ADCY4: variants seen among roughly 807,000 people sequenced by gnomAD.
ADCY4 encodes the protein adenylate cyclase type 4.
ADCY4 carries 111 observed loss-of-function variants against 125.5 expected under a neutral mutation model. The ratio of observed to expected loss-of-function variants is 0.88; its 90% confidence interval spans 0.76 to 1.04. ADCY4 has a LOEUF of 1.04. ADCY4 is among the 50% of genes least tolerant of loss of function. ADCY4 has a pLI of 0.00. For missense variants in ADCY4, 1,256 were observed against 1,382.9 expected (o/e 0.91, Z 1.46); for synonymous variants, 576 against 586.9 (o/e 0.98, Z 0.27).
chr14:24,329,424 T>C lies in ADCY4; in HGVS notation c.1327A>G (p.Thr443Ala), dbSNP rs747438767. The change falls in exon 9 of 25, where the codon ACC (threonine) becomes GCC (alanine). Residue 443 changes from threonine (T) to alanine (A), a missense_variant. Transcript: ENST00000418030. ...DPYLRELGEP[T>A]YLVIDPRAEE... ...ACCCGTGGATCGATGACCAGATAGG[T>C]AGGCTCCCCTAGCTCCCGAAGGTAG... 3 of 1,565,982 alleles carry C rather than the reference T, an allele frequency of 1.9e-6. No individual in the cohort carries two copies. Among genetic ancestry groups the C allele is most frequent in the Non-Finnish European group, 2.6e-6 (3 of 1,159,826 alleles).
chr14:24,332,441 A>G, intron 3 of ADCY4, 81 bp downstream of exon 3: 4 of 1,458,790 alleles, frequency 2.7e-6, no homozygotes, highest in Non-Finnish European at 3.7e-6. Context: ...TTGGAGTCAC[A>G]GCTCAACAAC....
intron 20 of ADCY4, among the ~76,000 whole-genome samples, 174 bp from the exon 21 acceptor site, chr14:24,320,062 A>G (rs561087600): frequency 6.6e-6 from 1 of 152,324 alleles, no homozygotes; most frequent in East Asian, 1.9e-4. Context: ...CTTAGGAGTC[A>G]AAGCTTAGAT....
chr14:24,321,137 C>T (rs1421220255), intron 20 of ADCY4, among the ~76,000 whole-genome samples: 5 of 148,642 alleles, frequency 3.4e-5, no homozygotes, highest in African/African-American at 1.0e-4. Flanking sequence ...ACTTTTAGGC[C>T]GGGTGCGGTG....
chr14:24,329,172 C>A lies in ADCY4; in HGVS notation c.1413G>T (p.Lys471Asn). The change falls in exon 10 of 25, where the codon AAG becomes AAT. Residue 471 changes from lysine to asparagine, a missense_variant. By Grantham distance (94) the Lys-to-Asn change is moderately conservative (BLOSUM62 0). Coordinates refer to ENST00000418030, the MANE Select transcript of ADCY4 (RefSeq NM_001198568.2). ...GGLLSSLEGL[K>N]MRPSLLMTRY... The stretch of plus-strand genomic sequence containing the variant: ...GGGTCATCAGCAGTGATGGACGCAT[C>A]TTGAGGCCCTCAAGCGAGGACAGCA... The A allele has an allele frequency of 1.2e-6, 2 of 1,613,990 alleles. No homozygotes were observed. The highest frequency in any genetic ancestry group is 1.7e-6 in the Non-Finnish European group (2 of 1,179,934).
In ADCY4 at chr14:24,323,263, C is replaced by T. The variant is rs894465494; in HGVS notation, c.2157+81G>A. The T allele has an allele frequency of 5.6e-6, 8 of 1,424,382 alleles. No homozygotes were observed. In the African/African-American group the frequency reaches 7.1e-5, roughly 13 times the overall value. 88.2% of individuals were successfully genotyped at this position (1,424,382 alleles called of 1,614,324 possible). A position where few individuals can be genotyped will look rare whatever the true frequency, so the allele number is the denominator to read the frequency against. On this transcript the variant is annotated intron_variant, in intron 17 of 24. Coordinates refer to ENST00000418030, the MANE Select transcript of ADCY4 (RefSeq NM_001198568.2). The stretch of plus-strand genomic sequence containing the variant: ...GTCTGTTCTAATCCACAGAATGGAG[C>T]GTTCCTCCACTCAGGGGGCTGTGGG...
rs929553540 is a variant in ADCY4 at position 24,331,866 on chromosome 14, G to A, written c.591C>T (p.Arg197=). Residue 197 remains arginine (R), a synonymous_variant, in exon 4 of 25, where the codon CGC becomes CGT. Transcript: ENST00000418030. ...CCTCCCGGAACGTGGCCCGCAGGGCGCGCTCCATCAGCGCCTTGTGGTACA... is the reference window on the plus strand; with the variant it reads ...CCTCCCGGAACGTGGCCCGCAGGGCACGCTCCATCAGCGCCTTGTGGTACA... The part of the protein sequence containing the change: ...AGVYHKALME[R]ALRATFREAL... 1 of 1,602,920 alleles carries A rather than the reference G, an allele frequency of 6.2e-7. No individual in the cohort carries two copies.
rs1429673212 is a variant in ADCY4, at chr14:24,334,484, C to A, written c.159+10G>T. ...GGTAGAGACCCTCCCGCAGCAGAGG[C>A]TCGGCTCACCCTGCCGCTGGCCCAG... On this transcript the variant is annotated intron_variant, in intron 1 of 24. Transcript: ENST00000418030. The A allele has an allele frequency of 1.9e-6, 3 of 1,571,672 alleles. No homozygotes were observed.
chr14:24,323,296 TGAGGAAGGGTGTGCAGAA>T lies in ADCY4; in HGVS notation c.2157+30_2157+47del, dbSNP rs761305808. On this transcript the variant is annotated intron_variant, in intron 17 of 24. Transcript: ENST00000418030. Reference sequence around the variant, plus strand: ...CACTCAGGGGGCTGTGGGCTTGGGCTGAGGAAGGGTGTGCAGAAGGAGATTAAGGGCATGTGGGAACAC... The same window carrying T: ...CACTCAGGGGGCTGTGGGCTTGGGCTGGAGATTAAGGGCATGTGGGAACAC... 2.0e-6 allele frequency: 3 copies of T among 1,509,736 alleles called. No individual in the cohort carries two copies. In the South Asian group the frequency reaches 3.6e-5, roughly 18 times the overall value. The allele number at this position is 1,509,736 out of a possible 1,614,324, so 93.5% of individuals were successfully genotyped here. A position where few individuals can be genotyped will look rare whatever the true frequency, so the allele number is the denominator to read the frequency against.
chr14:24,329,186 G>A lies in ADCY4; in HGVS notation c.1399C>T (p.Leu467Phe). 1 of 1,613,932 alleles carries A rather than the reference G, an allele frequency of 6.2e-7. No homozygotes were observed. The highest frequency in any genetic ancestry group is 2.2e-5 in the East Asian group (1 of 44,878). ...GATGGACGCATCTTGAGGCCCTCAAGCGAGGACAGCAAGCCTCCTGCAGTG... is the reference window on the plus strand; with the variant it reads ...GATGGACGCATCTTGAGGCCCTCAAACGAGGACAGCAAGCCTCCTGCAGTG... ...KGTAGGLLSS[L>F]EGLKMRPSLL... Residue 467 changes from leucine (L) to phenylalanine (F), a missense_variant, in exon 10 of 25, where the codon CTT (leucine) becomes TTT (phenylalanine). Physicochemically the swap from Leu to Phe is conservative, Grantham distance 22. Coordinates refer to ENST00000418030, the MANE Select transcript of ADCY4 (RefSeq NM_001198568.2).
At chr14:24,329,666 T>C (rs1267402033) in intron 8 of ADCY4, 133 bp from the exon 9 acceptor site, 29 of 1,421,212 alleles carry the variant, frequency 2.0e-5, no homozygotes, top group Non-Finnish European at 2.5e-5. Flanking sequence ...GATGTCTGAC[T>C]TCAAGAAAGA....
chr14:24,332,503 G>A lies in ADCY4; in HGVS notation c.519+19C>T, dbSNP rs989186903. 6.4e-7 allele frequency: 1 copy of A among 1,555,594 alleles called. No individual in the cohort carries two copies. Among genetic ancestry groups the A allele is most frequent in the Non-Finnish European group, 8.7e-7 (1 of 1,150,014 alleles). ...GGCAGAGCCGTCCTGAGCGCAGCCT[G>A]TGCTACTTGCGTGCTCACCTGCGGC... On this transcript the variant is annotated intron_variant, in intron 3 of 24. Coordinates refer to ENST00000418030, the MANE Select transcript of ADCY4 (RefSeq NM_001198568.2).
chr14:24,323,476 G>T, intron 16 of ADCY4, 22 bp from the exon 17 acceptor site: 1 of 1,551,254 alleles, frequency 6.4e-7, no homozygotes, highest in South Asian at 1.2e-5. Context: ...ATGAGGAGTT[G>T]AAGAGGCAGG....
chr14:24,319,364 C>T lies in ADCY4; in HGVS notation c.2806G>A (p.Gly936Ser). The change falls in exon 22 of 25, where the codon GGC (glycine) becomes AGC (serine). Residue 936 changes from glycine to serine, a missense_variant. Transcript: ENST00000418030. The surrounding 1 kb of genome is among the most constrained non-coding windows in gnomAD (Gnocchi z 4.5). ...TIGSTYMAAT[G>S]LNATSGQDAQ... ...TCCTGTCCAGAGGTGGCATTTAAGC[C>T]TGTGGCTGCCATGTAGGTGCTGCCG... 6.2e-7 allele frequency: 1 copy of T among 1,614,194 alleles called. No homozygotes were observed. The highest frequency in any genetic ancestry group is 8.5e-7 in the Non-Finnish European group (1 of 1,180,028).
At chr14:24,322,405 G>T in intron 19 of ADCY4, 181 bp from the exon 20 acceptor site, 1 of 872,540 alleles carries the variant, frequency 1.1e-6, no homozygotes, top group Non-Finnish European at 1.7e-6. Flanking sequence ...TTCAGACTAG[G>T]GATAGAGAAT....
intron 6 of ADCY4, 28 bp from the exon 7 acceptor site, chr14:24,330,323 G>A (rs1264627521): frequency 8.7e-6 from 14 of 1,613,340 alleles, no homozygotes; most frequent in Admixed American, 8.3e-5. Flanking sequence ...GGTGTGCAGA[G>A]GAACCTGGTT....
chr14:24,327,883 G>T (rs543922146), intron 10 of ADCY4, among the ~76,000 whole-genome samples: 2 of 152,160 alleles, frequency 1.3e-5, no homozygotes, highest in African/African-American at 4.8e-5. Flanking sequence ...AACAAGAATT[G>T]TTATACCAGA....
chr14:24,332,869 G>A lies in ADCY4; in HGVS notation c.279C>T (p.Ser93=). The A allele has an allele frequency of 1.9e-6, 3 of 1,605,360 alleles. No individual in the cohort carries two copies. Among genetic ancestry groups the A allele is most frequent in the Non-Finnish European group, 2.6e-6 (3 of 1,176,144 alleles). The part of the protein sequence containing the change: ...QRLQRWTRPL[S]GLVWVALLAL... ...CTAGCAGCGCGACCCATACCAAGCC[G>A]GACAGGGGACGCGTCCAGCGCTGCA... is the stretch of plus-strand genomic sequence containing the variant. The change falls in exon 2 of 25, where the codon TCC becomes TCT. Residue 93 remains serine (S), a synonymous_variant. Transcript: ENST00000418030.
rs1386107957 is a variant in ADCY4 at position 24,329,535 on chromosome 14, T to G, written c.1218-2A>C. 3 of 1,519,592 alleles carry G rather than the reference T, an allele frequency of 2.0e-6. No homozygotes were observed. The African/African-American group carries it at 4.2e-5, about 21-fold the overall frequency. 94.1% of individuals were successfully genotyped at this position (1,519,592 alleles called of 1,614,324 possible). On this transcript the variant is annotated splice_acceptor_variant, in intron 8 of 24. Coordinates refer to ENST00000418030, the MANE Select transcript of ADCY4 (RefSeq NM_001198568.2). LOFTEE classifies it high-confidence loss of function. ...GTAGCCCCTGTGATGTGCACTCGCCTGGAAGGAGGGAGGCAGTAGGGGTCA... is the reference window on the plus strand; with the variant it reads ...GTAGCCCCTGTGATGTGCACTCGCCGGGAAGGAGGGAGGCAGTAGGGGTCA...
Position 24,326,316 on chromosome 14 carries a change from G to C in ADCY4, c.1551C>G (p.Thr517=). ...LPEKTLASFS[T]QWSLDRSRTP... ...CTCCTCACCGATCCAGGCTCCACTG[G>C]GTGCTGAAGGAAGCCAGGGTCTTCT... The change falls in exon 11 of 25, where the codon ACC becomes ACG. Residue 517 remains threonine (T), a synonymous_variant. Coordinates refer to ENST00000418030, the MANE Select transcript of ADCY4 (RefSeq NM_001198568.2). 6.2e-7 allele frequency: 1 copy of C among 1,614,094 alleles called. No homozygotes were observed. The highest frequency in any genetic ancestry group is 8.5e-7 in the Non-Finnish European group (1 of 1,180,030).
Sources: allele counts gnomAD v4.1 joint callset (sites outside exome capture counted in the v4.1 genomes callset), GRCh38; gene constraint gnomAD v4.1.1; non-coding constraint Gnocchi (gnomAD v3.1); transcripts MANE v1.5; gene names NCBI Gene and HGNC (gene_info 2026-07-23, HGNC 2026-07-21).